SPHKAP: variants seen among roughly 807,000 people sequenced by gnomAD.
SPHKAP encodes the protein A-kinase anchor protein SPHKAP.
SPHKAP carries 67 observed loss-of-function variants against 137.5 expected under a neutral mutation model. The ratio of observed to expected loss-of-function variants is 0.49; its 90% CI spans 0.40 to 0.60. The LOEUF (loss-of-function observed/expected upper bound fraction) is 0.60. Ranked by LOEUF, SPHKAP falls within the 20% of genes least tolerant of loss-of-function variation. SPHKAP has a pLI of 0.00. For synonymous variants in SPHKAP, 813 were observed against 785.3 expected (o/e 1.04, Z -0.59); for missense variants, 2,097 against 2,069.3 (o/e 1.01, Z -0.26).
chr2:228,105,184 C>G (rs965210397), intron 3 of SPHKAP, among the ~76,000 whole-genome samples: 1 of 152,122 alleles, frequency 6.6e-6, no homozygotes, highest in Non-Finnish European at 1.5e-5. Context: ...ACCAAAGCTG[C>G]TCTTGAACTC....
chr2:228,140,861 C>T (rs1559196110), intron 1 of SPHKAP, among the ~76,000 whole-genome samples: 1 of 152,056 alleles, frequency 6.6e-6, no homozygotes, highest in Admixed American at 6.6e-5. Context: ...CCTTTGTCTC[C>T]CATCATGATT....
chr2:228,054,596 T>G (rs1167174558), intron 3 of SPHKAP, among the ~76,000 whole-genome samples: 2 of 152,134 alleles, frequency 1.3e-5, no homozygotes, highest in Non-Finnish European at 2.9e-5. Context: ...GGGAGATTCA[T>G]AAAATACACA....
intron 11 of SPHKAP, among the ~76,000 whole-genome samples, chr2:227,985,010 C>A (rs967326293): frequency 2.0e-5 from 3 of 152,112 alleles, no homozygotes; most frequent in African/African-American, 7.2e-5. Context: ...GGAGCAGATG[C>A]CAATATTTGC....
At position 228,132,069 on chromosome 2, in the gene SPHKAP, G is replaced by A. The variant is rs1241778703; in HGVS notation, c.49C>T (p.Arg17Trp). The A allele has an allele frequency of 2.5e-6, 4 of 1,613,708 alleles. No individual in the cohort carries two copies. In the East Asian group the frequency reaches 8.9e-5, roughly 36 times the overall value. Residue 17 changes from arginine (R) to tryptophan (W), a missense_variant, in exon 2 of 12, where the codon CGG becomes TGG. Coordinates refer to ENST00000392056, the MANE Select transcript of SPHKAP (RefSeq NM_001142644.2). ...LSVPSNLESS[R>W]MYDVLEPQQG... ...TGCGGTTCCAAAACGTCATACATCC[G>A]TGATGACTCCAAGTTGCTGTTTGTG...
At position 227,981,588 on chromosome 2, in the gene SPHKAP, AG is replaced by A; in HGVS notation, c.*128del. The A allele has an allele frequency of 8.1e-7, 1 of 1,238,554 alleles. No individual in the cohort carries two copies. The highest frequency in any genetic ancestry group is 1.1e-6 in the Non-Finnish European group (1 of 909,656). 76.7% of individuals were successfully genotyped at this position (1,238,554 alleles called of 1,614,324 possible). A position where few individuals can be genotyped will look rare whatever the true frequency, so the allele number is the denominator to read the frequency against. On this transcript the variant is annotated 3_prime_UTR_variant, in exon 12 of 12. Coordinates refer to ENST00000392056, the MANE Select transcript of SPHKAP (RefSeq NM_001142644.2). ...TATTCTGTATGCAGTGGATCTGAGT[AG>A]CAGATTTTTTTTTATAGTTCTGCTA... is the stretch of plus-strand genomic sequence containing the variant.
chr2:228,118,251 T>G (rs542220277), intron 2 of SPHKAP, among the ~76,000 whole-genome samples: 2 of 151,024 alleles, frequency 1.3e-5, no homozygotes, highest in East Asian at 1.9e-4. Context: ...TTTTTTTTTT[T>G]TTTTTTTTTT....
rs755685776 is a variant in SPHKAP, at chr2:227,990,993, A to G, written c.4959+7T>C. 1.2e-6 allele frequency: 2 copies of G among 1,613,506 alleles called. No homozygotes were observed. Among genetic ancestry groups the G allele is most frequent in the East Asian group, 2.2e-5 (1 of 44,846 alleles). On this transcript the variant is annotated splice_region_variant and intron_variant, in intron 11 of 11. Transcript: ENST00000392056. ...CTTTCTTGTTTTCCAAACCTGGTACATGATACCTTTTCAATTCTGTTTTCC... is the reference window on the plus strand; with the variant it reads ...CTTTCTTGTTTTCCAAACCTGGTACGTGATACCTTTTCAATTCTGTTTTCC...
At chr2:227,996,070 A>G in intron 7 of SPHKAP, 1 of 983,742 alleles carries the variant, frequency 1.0e-6, no homozygotes, top group African/African-American at 1.7e-5. Flanking sequence ...GAGGTCCACA[A>G]ATCTGCATTT....
intron 3 of SPHKAP, among the ~76,000 whole-genome samples, chr2:228,036,305 G>T (rs988744545): frequency 6.6e-6 from 1 of 152,208 alleles, no homozygotes; most frequent in East Asian, 1.9e-4. Context: ...CTGGCCATCA[G>T]AGAAATGCAA....
chr2:228,007,575 C>T (rs567190568), intron 7 of SPHKAP, among the ~76,000 whole-genome samples: 1 of 152,148 alleles, frequency 6.6e-6, no homozygotes, highest in Admixed American at 6.6e-5. Flanking sequence ...ATTTGTCTCT[C>T]AGTGCTTGGC....
chr2:228,135,771 G>A (rs1465350979), intron 1 of SPHKAP, among the ~76,000 whole-genome samples: 1 of 152,144 alleles, frequency 6.6e-6, no homozygotes, highest in East Asian at 1.9e-4. Context: ...AAACGAGGAA[G>A]TTGAGTCACA....
intron 1 of SPHKAP, among the ~76,000 whole-genome samples, chr2:228,165,251 C>T (rs1333669759): frequency 1.3e-5 from 2 of 151,960 alleles, no homozygotes; most frequent in East Asian, 1.9e-4. Flanking sequence ...TATCCATTTC[C>T]CCAAAGTCCT....
chr2:227,992,650 G>A (rs1342322413), intron 9 of SPHKAP, among the ~76,000 whole-genome samples: 1 of 152,138 alleles, frequency 6.6e-6, no homozygotes, highest in Non-Finnish European at 1.5e-5. Context: ...ACAAGATAAT[G>A]TGTATGCTCA....
chr2:228,014,160 T>C lies in SPHKAP; in HGVS notation c.4448+2246A>G, dbSNP rs149736457. 4.0e-3 allele frequency among the ~76,000 whole-genome samples: 612 copies of C among 152,328 alleles called. 5 individuals are homozygous for C. Among genetic ancestry groups the C allele is most frequent in the African/African-American group, 0.014 (573 of 41,576 alleles). On this transcript the variant is annotated intron_variant, in intron 7 of 11. Transcript: ENST00000392056. ...ATTGCTATTTGATCTCAGCCTACAA[T>C]CATAAATCTTGTTGAACTACTATTT...
intron 3 of SPHKAP, among the ~76,000 whole-genome samples, chr2:228,032,601 GA>G (rs1250051557): frequency 6.6e-6 from 1 of 152,106 alleles, no homozygotes; most frequent in East Asian, 1.9e-4. Context: ...TGAAATGAAG[GA>G]AAAAATGTTA....
intron 2 of SPHKAP, among the ~76,000 whole-genome samples, chr2:228,126,505 T>A (rs1394053000): frequency 6.6e-6 from 1 of 152,184 alleles, no homozygotes; most frequent in Non-Finnish European, 1.5e-5. Flanking sequence ...AAAACCTCAG[T>A]GTGAATTTAT....
At chr2:228,085,811 T>G (rs1041053071) in intron 3 of SPHKAP, among the ~76,000 whole-genome samples, 2 of 152,230 alleles carry the variant, frequency 1.3e-5, no homozygotes, top group African/African-American at 4.8e-5. Flanking sequence ...CTGAGTTTTT[T>G]TTTTCTGAGA....
chr2:228,099,201 T>G (rs1416722441), intron 3 of SPHKAP, among the ~76,000 whole-genome samples: 2 of 152,212 alleles, frequency 1.3e-5, no homozygotes, highest in Non-Finnish European at 2.9e-5. Flanking sequence ...CTTGAGTTAA[T>G]TTGTATATAT....
At chr2:228,089,301 A>T (rs74864907) in intron 3 of SPHKAP, among the ~76,000 whole-genome samples, 1 of 152,236 alleles carries the variant, frequency 6.6e-6, no homozygotes, top group Non-Finnish European at 1.5e-5. Flanking sequence ...TGAACTTAAG[A>T]GTGATGATGT....
Sources: allele counts gnomAD v4.1 joint callset (sites outside exome capture counted in the v4.1 genomes callset), GRCh38; gene constraint gnomAD v4.1.1; transcripts MANE v1.5; gene names NCBI Gene and HGNC (gene_info 2026-07-23, HGNC 2026-07-21).